The following LRIG1 variants were observed in gnomAD, a reference collection of about 807,000 sequenced individuals.
LRIG1 encodes leucine rich repeats and immunoglobulin like domains 1.
In LRIG1, 48 loss-of-function variants were observed where a neutral mutation model predicts 99.2. The observed-to-expected ratio is 0.48, with a 90% CI of 0.38 to 0.62. The LOEUF is 0.62. Among genes scored for constraint, LRIG1 ranks in the 20% least tolerant of loss-of-function variants. LRIG1 has a pLI of 0.00. For missense variants in LRIG1, 1,646 were observed against 1,434.4 expected (o/e 1.15, Z -2.38); for synonymous variants, 772 against 596.1 (o/e 1.29, Z -4.30).
intron 7 of LRIG1, among the ~76,000 whole-genome samples, chr3:66,407,920 C>T (rs778983418): frequency 9.2e-5 from 14 of 152,208 alleles, no homozygotes; most frequent in Admixed American, 2.6e-4. Flanking sequence ...GCCCCAGTCA[C>T]ACTCCCTGCA....
At chr3:66,453,595 G>A (rs1703978199) in intron 2 of LRIG1, among the ~76,000 whole-genome samples, 2 of 152,158 alleles carry the variant, frequency 1.3e-5, no homozygotes, top group Admixed American at 1.3e-4. Flanking sequence ...TCAGGTACCA[G>A]GTTAACTACT....
chr3:66,432,873 T>C (rs1703219475), intron 3 of LRIG1, among the ~76,000 whole-genome samples: 1 of 152,046 alleles, frequency 6.6e-6, no homozygotes, highest in Admixed American at 6.5e-5. Context: ...ACTCTGCAGA[T>C]ACAGAGGGAA....
chr3:66,483,229 G>C (rs945525778), intron 1 of LRIG1, among the ~76,000 whole-genome samples: 3 of 152,200 alleles, frequency 2.0e-5, no homozygotes, highest in Non-Finnish European at 4.4e-5. Context: ...CCCCTTGCTA[G>C]CATGCCTGGG....
At chr3:66,383,495 A>C in intron 14 of LRIG1, 94 bp from the exon 15 acceptor site, 1 of 1,089,430 alleles carries the variant, frequency 9.2e-7, no homozygotes, top group Non-Finnish European at 1.3e-6. Flanking sequence ...CCAACATATC[A>C]ATGAGATGCA....
rs142256450 is a variant in LRIG1 at position 66,442,786 on chromosome 3, C to G, written c.365+8773G>C. Among the ~76,000 whole-genome samples, 216 of 152,260 alleles carry G rather than the reference C, an allele frequency of 1.4e-3. 1 individual carries two copies. Among genetic ancestry groups the G allele is most frequent in the African/African-American group, 4.9e-3 (204 of 41,566 alleles). On this transcript the variant is annotated intron_variant, in intron 3 of 18. Transcript: ENST00000273261. ...TGGTGGAAAGGAAAAAAGCCCTACG[C>G]TCAACAAAAGCTACCGAGTTTCCAA...
intron 1 of LRIG1, among the ~76,000 whole-genome samples, chr3:66,486,130 T>C (rs1196202128): frequency 1.3e-5 from 2 of 152,194 alleles, no homozygotes; most frequent in Admixed American, 6.5e-5. Flanking sequence ...TTAACACAGA[T>C]ATATCCTGCT....
chr3:66,408,913 AGTGTGTGTGTGTGTGTGTGTGTGTGT>A (rs55651719), intron 7 of LRIG1, among the ~76,000 whole-genome samples: 36 of 34,916 alleles, frequency 1.0e-3, no homozygotes, highest in African/African-American at 3.9e-3. Flanking sequence ...ACTCCAAGTC[AGTGTGTGTGTGTGTGTGTGTGTGTGT>A]GTGTGTGTGT....
At chr3:66,418,101 T>G (rs1702675068) in intron 3 of LRIG1, among the ~76,000 whole-genome samples, 1 of 147,832 alleles carries the variant, frequency 6.8e-6, no homozygotes, top group South Asian at 2.1e-4. Flanking sequence ...TTGTTTTTGT[T>G]TTTGTTTTTG....
intron 3 of LRIG1, among the ~76,000 whole-genome samples, chr3:66,420,676 G>A (rs1262206614): frequency 6.6e-6 from 1 of 152,236 alleles, no homozygotes; most frequent in African/African-American, 2.4e-5. Flanking sequence ...CCAAGTGAAA[G>A]ATGCCTGTCA....
intron 1 of LRIG1, among the ~76,000 whole-genome samples, chr3:66,482,538 T>G (rs1281826933): frequency 6.6e-6 from 1 of 152,156 alleles, no homozygotes; most frequent in Non-Finnish European, 1.5e-5. Flanking sequence ...TTAATGTTTG[T>G]GAGGGTGTGG....
intron 3 of LRIG1, among the ~76,000 whole-genome samples, chr3:66,442,881 C>T (rs1230034986): frequency 6.6e-6 from 1 of 152,146 alleles, no homozygotes; most frequent in Non-Finnish European, 1.5e-5. Context: ...CCCCCAACCC[C>T]ACAGCTGGTG....
intron 2 of LRIG1, among the ~76,000 whole-genome samples, chr3:66,455,959 G>A (rs1700209428): frequency 6.6e-6 from 1 of 152,174 alleles, no homozygotes; most frequent in Non-Finnish European, 1.5e-5. Flanking sequence ...ATATCTCAGT[G>A]AATGACATGC....
rs755805707 is a variant in LRIG1, at chr3:66,385,987, C to G, written c.1783G>C (p.Val595Leu). The change falls in exon 13 of 19, where the codon GTG becomes CTG. Residue 595 changes from valine (V) to leucine (L), a missense_variant. Val to Leu is a conservative substitution (Grantham distance 32). Coordinates refer to ENST00000273261, the MANE Select transcript of LRIG1 (RefSeq NM_015541.3). ...AAAGATGGTGTTTCCATACCATTCA[C>G]GGTGAGCCTGGCCTTATGTGAATAG... ...STYSHKARLT[V>L]NVLPSFTKTP... 1 of 1,613,118 alleles carries G rather than the reference C, an allele frequency of 6.2e-7. No individual in the cohort carries two copies. Among genetic ancestry groups the G allele is most frequent in the Non-Finnish European group, 8.5e-7 (1 of 1,179,378 alleles).
chr3:66,492,717 C>T (rs2106928053), intron 1 of LRIG1, among the ~76,000 whole-genome samples: 1 of 152,292 alleles, frequency 6.6e-6, no homozygotes, highest in East Asian at 1.9e-4. Flanking sequence ...AACCTGCATC[C>T]TGGTTCATAA....
intron 1 of LRIG1, among the ~76,000 whole-genome samples, chr3:66,473,958 A>G (rs987843766): frequency 3.3e-5 from 5 of 152,034 alleles, no homozygotes; most frequent in South Asian, 2.1e-4. Context: ...GTCGTGAAAC[A>G]CTCTAAATTT....
chr3:66,463,261 C>T (rs1407439779), intron 1 of LRIG1, among the ~76,000 whole-genome samples: 1 of 152,152 alleles, frequency 6.6e-6, no homozygotes, highest in Non-Finnish European at 1.5e-5. Flanking sequence ...ACTGTAAGAT[C>T]CTGAATCATA....
In LRIG1 at chr3:66,378,810, TGAACCTTTATTAAA is replaced by T. The variant is rs1204350130; in HGVS notation, c.*1439_*1452del. ...CACCAACTATACTGACATTTATAAATGAACCTTTATTAAAGACACTTCAATGCCATTTGTTAGAC... is the reference window on the plus strand; with the variant it reads ...CACCAACTATACTGACATTTATAAATGACACTTCAATGCCATTTGTTAGAC... On this transcript the variant is annotated 3_prime_UTR_variant, in exon 19 of 19. Transcript: ENST00000273261. 2 of 152,634 alleles carry T rather than the reference TGAACCTTTATTAAA, an allele frequency of 1.3e-5. No homozygotes were observed. Among genetic ancestry groups the T allele is most frequent in the African/African-American group, 4.8e-5 (2 of 41,454 alleles). The allele number at this position is 152,634 out of a possible 1,614,324, so 9.5% of individuals were successfully genotyped here.
At position 66,383,343 on chromosome 3, in the gene LRIG1, C is replaced by T. The variant is rs756288195; in HGVS notation, c.2130G>A (p.Val710=). 1.3e-6 allele frequency: 2 copies of T among 1,593,700 alleles called. No homozygotes were observed. The highest frequency in any genetic ancestry group is 1.7e-4 in the Middle Eastern group (1 of 6,012). Reference sequence around the variant, plus strand: ...TCCCCGTGGCTTTGCATTGGAGGGCCACTGTTTCTCCCACAGATACCACAC... The same window carrying T: ...TCCCCGTGGCTTTGCATTGGAGGGCTACTGTTTCTCCCACAGATACCACAC... ...EDRVVSVGET[V]ALQCKATGNP... The change falls in exon 15 of 19, where the codon GTG becomes GTA. Residue 710 remains valine (V), a synonymous_variant. Transcript: ENST00000273261.
At chr3:66,386,556 T>C in intron 12 of LRIG1, 1 of 446,120 alleles carries the variant, frequency 2.2e-6, no homozygotes. Flanking sequence ...CCACCACTTC[T>C]CAGTTCTCAA....
Sources: gnomAD v4.1 joint callset for allele counts (sites outside exome capture counted in the v4.1 genomes callset) on GRCh38, gnomAD v4.1.1 for gene constraint, MANE v1.5 for transcripts, NCBI Gene and HGNC (gene_info 2026-07-23, HGNC 2026-07-21) for gene names.